NRXN3: variants seen among roughly 807,000 people sequenced by gnomAD.
NRXN3 encodes neurexin III.
NRXN3 carries 32 observed loss-of-function variants against 137.6 expected under a neutral mutation model. The observed-to-expected ratio is 0.23, with a 90% confidence interval of 0.18 to 0.31. The LOEUF (loss-of-function observed/expected upper bound fraction) is 0.31, where lower values mean the gene tolerates loss of function less well. NRXN3 is among the 10% of genes least tolerant of loss of function. The pLI is 1.00. For synonymous variants in NRXN3, 798 were observed against 784.5 expected, an observed-to-expected ratio of 1.02 and a Z score of -0.29; for missense variants, 1,574 against 2,062.5, an observed-to-expected ratio of 0.76 and a Z score of 4.59.
chr14:78,284,216 A>T (rs1320422115), intron 3 of NRXN3, among the ~76,000 whole-genome samples: 1 of 152,200 alleles, frequency 6.6e-6, no homozygotes, highest in African/African-American at 2.4e-5. Context: ...GCTGAGATAG[A>T]TGCATATCTG....
At chr14:78,564,256 C>G (rs1484962134) in intron 4 of NRXN3, among the ~76,000 whole-genome samples, 1 of 152,144 alleles carries the variant, frequency 6.6e-6, no homozygotes, top group African/African-American at 2.4e-5. Context: ...CTTTTGTCTC[C>G]GCCCTCTTTT....
intron 4 of NRXN3, among the ~76,000 whole-genome samples, chr14:78,450,107 G>A (rs751081317): frequency 2.0e-5 from 3 of 152,144 alleles, no homozygotes; most frequent in Non-Finnish European, 4.4e-5. Flanking sequence ...ACAAGCACTG[G>A]CAAGAAATCC....
At chr14:79,316,898 T>C (rs2088879118) in intron 15 of NRXN3, among the ~76,000 whole-genome samples, 1 of 152,112 alleles carries the variant, frequency 6.6e-6, no homozygotes, top group Non-Finnish European at 1.5e-5. Flanking sequence ...AATACAAAGT[T>C]ATCATATCAT....
At position 78,723,696 on chromosome 14, in the gene NRXN3, T is replaced by C. The variant is rs546593665; in HGVS notation, c.2044+8557T>C. Reference sequence around the variant, plus strand: ...TCCATTGTAGAATCAAAGTGTATAATGTGCTCACATAGATAACAAAGTTAA... The same window carrying C: ...TCCATTGTAGAATCAAAGTGTATAACGTGCTCACATAGATAACAAAGTTAA... On this transcript the variant is annotated intron_variant, in intron 8 of 20. Coordinates refer to ENST00000335750, the MANE Select transcript of NRXN3 (RefSeq NM_001330195.2). Among the ~76,000 whole-genome samples the C allele has an allele frequency of 2.6e-5, 4 of 152,348 alleles. No individual in the cohort carries two copies. The East Asian group carries it at 5.8e-4, about 22-fold the overall frequency.
At chr14:79,258,532 C>T (rs931767904) in intron 15 of NRXN3, among the ~76,000 whole-genome samples, 6 of 152,148 alleles carry the variant, frequency 3.9e-5, no homozygotes, top group African/African-American at 1.4e-4. Flanking sequence ...TAAAAATAAC[C>T]TGTTCTTCTT....
intron 3 of NRXN3, among the ~76,000 whole-genome samples, chr14:78,287,970 G>A (rs1226969424): frequency 1.3e-5 from 2 of 151,950 alleles, no homozygotes; most frequent in Non-Finnish European, 2.9e-5. Flanking sequence ...ATTATAGAGT[G>A]GTCTCAGGAC....
At chr14:78,349,086 A>G (rs1400998776) in intron 4 of NRXN3, among the ~76,000 whole-genome samples, 1 of 152,232 alleles carries the variant, frequency 6.6e-6, no homozygotes. Flanking sequence ...AGCATTTACC[A>G]TGTGGTGCCT....
intron 15 of NRXN3, among the ~76,000 whole-genome samples, chr14:79,073,967 C>T (rs746775382): frequency 4.6e-5 from 7 of 152,166 alleles, no homozygotes; most frequent in African/African-American, 7.2e-5. Context: ...CTGTAACACA[C>T]GTAGAAAAGT....
chr14:79,310,079 A>G (rs1460741471), intron 15 of NRXN3, among the ~76,000 whole-genome samples: 2 of 122,744 alleles, frequency 1.6e-5, no homozygotes, highest in African/African-American at 3.8e-5. Flanking sequence ...TAACGTTTAA[A>G]TCTTTAATCC....
chr14:79,347,017 T>A (rs1049328920), intron 15 of NRXN3, among the ~76,000 whole-genome samples: 4 of 152,172 alleles, frequency 2.6e-5, no homozygotes, highest in African/African-American at 9.7e-5. Context: ...TTTGATTATT[T>A]GGTGAACATT....
intron 16 of NRXN3, among the ~76,000 whole-genome samples, chr14:79,501,961 G>C (rs2096830343): frequency 6.6e-6 from 1 of 152,166 alleles, no homozygotes; most frequent in South Asian, 2.1e-4. Flanking sequence ...TTTAAAAAAA[G>C]ATGTAGAGGC....
chr14:79,412,193 G>A (rs916944952), intron 15 of NRXN3, among the ~76,000 whole-genome samples: 5 of 152,054 alleles, frequency 3.3e-5, no homozygotes, highest in African/African-American at 9.7e-5. Flanking sequence ...CTTGCTCCTT[G>A]ACGTTAGAAA....
At position 79,424,538 on chromosome 14, in the gene NRXN3, T is replaced by C. The variant is rs571177207; in HGVS notation, c.3263-42683T>C. Among the ~76,000 whole-genome samples, 8 of 152,314 alleles carry C rather than the reference T, an allele frequency of 5.3e-5. No individual in the cohort carries two copies. In the South Asian group the frequency reaches 1.7e-3, roughly 32 times the overall value. ...ATTCACATTAACTACCTGAATTACA[T>C]TCAATTATTTTACTCTTCAGGGAGA... is the stretch of plus-strand genomic sequence containing the variant. On this transcript the variant is annotated intron_variant, in intron 15 of 20. Coordinates refer to ENST00000335750, the MANE Select transcript of NRXN3 (RefSeq NM_001330195.2).
chr14:79,761,504 G>A (rs2099038380), intron 19 of NRXN3, among the ~76,000 whole-genome samples: 1 of 151,090 alleles, frequency 6.6e-6, no homozygotes, highest in African/African-American at 2.5e-5. Flanking sequence ...TCTCATCCTG[G>A]CCAACATGGT....
intron 10 of NRXN3, among the ~76,000 whole-genome samples, chr14:78,892,093 T>G (rs1567627094): frequency 6.6e-6 from 1 of 151,904 alleles, no homozygotes; most frequent in Non-Finnish European, 1.5e-5. Flanking sequence ...TGGAAATGCT[T>G]GTGCCCCACC....
intron 10 of NRXN3, among the ~76,000 whole-genome samples, chr14:78,948,049 T>C (rs2099371113): frequency 6.6e-6 from 1 of 152,202 alleles, no homozygotes; most frequent in Non-Finnish European, 1.5e-5. Context: ...TTGAGTGCTA[T>C]GTAGGTTTTA....
chr14:78,251,329 G>A (rs969236417), intron 2 of NRXN3, among the ~76,000 whole-genome samples: 1 of 152,200 alleles, frequency 6.6e-6, no homozygotes, highest in Non-Finnish European at 1.5e-5. Flanking sequence ...GTGTGTGAGA[G>A]GGGGAGATGA....
chr14:78,776,113 T>C (rs1459788337), intron 8 of NRXN3, among the ~76,000 whole-genome samples: 1 of 152,198 alleles, frequency 6.6e-6, no homozygotes, highest in East Asian at 1.9e-4. Flanking sequence ...CTGTGTAAAA[T>C]ATAGTCTGGA....
intron 4 of NRXN3, among the ~76,000 whole-genome samples, chr14:78,298,267 G>C (rs1463391259): frequency 6.6e-6 from 1 of 152,192 alleles, no homozygotes. Context: ...GAGAGGAGCT[G>C]GGCTCCTCCC....
Sources: allele counts gnomAD v4.1 joint callset (sites outside exome capture counted in the v4.1 genomes callset), GRCh38; gene constraint gnomAD v4.1.1; transcripts MANE v1.5; gene names NCBI Gene and HGNC (gene_info 2026-07-23, HGNC 2026-07-21).